The following CD200R1L variants were observed in gnomAD, a reference collection of about 807,000 sequenced individuals.
CD200R1L encodes the protein cell surface glycoprotein CD200 receptor 2.
A neutral mutation model predicts 24.8 loss-of-function variants in CD200R1L; 14 were observed. The observed-to-expected ratio is 0.56, with a 90% CI of 0.37 to 0.88. The LOEUF (loss-of-function observed/expected upper bound fraction) is 0.88, where lower values mean the gene tolerates loss of function less well. Ranked by LOEUF, CD200R1L falls within the 40% of genes least tolerant of loss-of-function variation. The pLI is 0.00. For missense variants in CD200R1L, 299 were observed against 297.8 expected (o/e 1.00, Z -0.03); for synonymous variants, 111 against 109.2 (o/e 1.02, Z -0.11).
chr3:112,845,574 G>C, intron 2 of CD200R1L, 105 bp downstream of exon 2: 1 of 926,336 alleles, frequency 1.1e-6, no homozygotes, highest in East Asian at 2.4e-5. Flanking sequence ...ACTGCTGCTA[G>C]GACAAGTCAA....
At chr3:112,834,021 G>A (rs1363358539) in intron 3 of CD200R1L, among the ~76,000 whole-genome samples, 1 of 152,182 alleles carries the variant, frequency 6.6e-6, no homozygotes, top group Non-Finnish European at 1.5e-5. Flanking sequence ...AGAAGGTGTG[G>A]GGTAGAGGCA....
intron 2 of CD200R1L, among the ~76,000 whole-genome samples, chr3:112,840,922 T>C (rs1939065760): frequency 6.6e-6 from 1 of 152,224 alleles, no homozygotes; most frequent in Non-Finnish European, 1.5e-5. Context: ...TTAAAAGTAA[T>C]TGTGGTTGTT....
At chr3:112,837,309 C>T (rs1938972632) in intron 3 of CD200R1L, among the ~76,000 whole-genome samples, 1 of 152,120 alleles carries the variant, frequency 6.6e-6, no homozygotes, top group South Asian at 2.1e-4. Flanking sequence ...TTCTTGGAAT[C>T]ATTTATAAAT....
intron 2 of CD200R1L, among the ~76,000 whole-genome samples, chr3:112,838,640 T>A (rs1349795201): frequency 6.6e-6 from 1 of 152,230 alleles, no homozygotes; most frequent in African/African-American, 2.4e-5. Flanking sequence ...TTACGGCTCA[T>A]TTAATGGTCT....
intron 2 of CD200R1L, among the ~76,000 whole-genome samples, chr3:112,840,423 C>G (rs78641197): frequency 0.015 from 2,270 of 152,292 alleles, 19 homozygotes; most frequent in South Asian, 0.024. Context: ...ATGCTACACA[C>G]TTTTAAACAA....
intron 2 of CD200R1L, among the ~76,000 whole-genome samples, chr3:112,839,270 A>G (rs897489427): frequency 3.3e-5 from 5 of 152,252 alleles, no homozygotes; most frequent in Non-Finnish European, 7.3e-5. Flanking sequence ...ACTAATGACT[A>G]TATTTCTAGT....
chr3:112,843,223 A>C (rs1419154868), intron 2 of CD200R1L, among the ~76,000 whole-genome samples: 1 of 152,216 alleles, frequency 6.6e-6, no homozygotes, highest in Non-Finnish European at 1.5e-5. Flanking sequence ...AGACAACTGC[A>C]AGATACTACA....
intron 3 of CD200R1L, among the ~76,000 whole-genome samples, chr3:112,833,602 T>C (rs1404568736): frequency 6.6e-6 from 1 of 152,178 alleles, no homozygotes; most frequent in African/African-American, 2.4e-5. Context: ...CACTCCATTG[T>C]AAAACAGAAA....
At position 112,845,860 on chromosome 3, in the gene CD200R1L, T is replaced by C; in HGVS notation, c.-268A>G. The C allele has an allele frequency of 1.5e-6, 1 of 656,216 alleles. No homozygotes were observed. Among genetic ancestry groups the C allele is most frequent in the South Asian group, 1.9e-5 (1 of 51,322 alleles). 40.6% of individuals were successfully genotyped at this position (656,216 alleles called of 1,614,324 possible). A position where few individuals can be genotyped will look rare whatever the true frequency, so the allele number is the denominator to read the frequency against. On this transcript the variant is annotated 5_prime_UTR_variant, in exon 2 of 8. Transcript: ENST00000488794. The stretch of plus-strand genomic sequence containing the variant: ...TCTTCAACAGGATTGCAAAACATAT[T>C]TCTTCATTATCTTGCTTATCTTTAA...
intron 3 of CD200R1L, among the ~76,000 whole-genome samples, chr3:112,837,580 A>G (rs1938978623): frequency 6.6e-6 from 1 of 152,126 alleles, no homozygotes; most frequent in South Asian, 2.1e-4. Context: ...ATCCTTCTAG[A>G]GCCTGTGCAA....
At chr3:112,819,936 C>A in intron 6 of CD200R1L, 41 bp from the exon 7 acceptor site, 1 of 1,522,788 alleles carries the variant, frequency 6.6e-7, no homozygotes, top group Non-Finnish European at 8.8e-7. Flanking sequence ...TTCAAGCATT[C>A]TTCTAGTTAC....
rs1328165366 is a variant in CD200R1L at position 112,827,387 on chromosome 3, C to A, written c.347G>T (p.Gly116Val). The A allele has an allele frequency of 6.2e-7, 1 of 1,613,694 alleles. No homozygotes were observed. Among genetic ancestry groups the A allele is most frequent in the African/African-American group, 1.3e-5 (1 of 75,020 alleles). The change falls in exon 5 of 8, where the codon GGA (glycine) becomes GTA (valine). Residue 116 changes from glycine to valine, a missense_variant. Transcript: ENST00000488794. Reference sequence around the variant, plus strand: ...CTTACCTAACACTTGGAGGTGATATCCACGATGGAAATTCCCATCAGGTGT... The same window carrying A: ...CTTACCTAACACTTGGAGGTGATATACACGATGGAAATTCCCATCAGGTGT... ...VVTPDGNFHR[G>V]YHLQVLVTPE...
intron 2 of CD200R1L, among the ~76,000 whole-genome samples, 166 bp downstream of exon 2, chr3:112,845,513 T>C (rs549804074): frequency 1.3e-5 from 2 of 152,184 alleles, no homozygotes; most frequent in Non-Finnish European, 2.9e-5. Flanking sequence ...AGTACACCAC[T>C]GGGATAAGGC....
chr3:112,825,036 G>C (rs1309581293), intron 6 of CD200R1L, among the ~76,000 whole-genome samples: 1 of 152,116 alleles, frequency 6.6e-6, no homozygotes, highest in Non-Finnish European at 1.5e-5. Flanking sequence ...AGGAGATCGA[G>C]ACCATCCTGG....
chr3:112,829,247 A>G (rs1258308858), intron 4 of CD200R1L, 72 bp downstream of exon 4: 1 of 1,199,888 alleles, frequency 8.3e-7, no homozygotes, highest in Non-Finnish European at 1.2e-6. Flanking sequence ...CAGCCAGGCC[A>G]TCAGCTAATG....
intron 7 of CD200R1L, among the ~76,000 whole-genome samples, chr3:112,819,021 A>G (rs1938465734): frequency 1.3e-5 from 2 of 152,212 alleles, no homozygotes; most frequent in Admixed American, 1.3e-4. Flanking sequence ...ACTTACAATC[A>G]TGGCAGAAGG....
At chr3:112,820,957 G>A (rs1177845082) in intron 6 of CD200R1L, among the ~76,000 whole-genome samples, 6 of 151,342 alleles carry the variant, frequency 4.0e-5, no homozygotes, top group Non-Finnish European at 7.4e-5. Flanking sequence ...CTCGGGAGGC[G>A]GAGGCAGGAA....
chr3:112,815,868 C>T lies in CD200R1L; in HGVS notation c.*95G>A. ...AGTGGCTTCTATCCTTAACATCATC[C>T]ATGGCCCAAGTTCACTGCTGGACCA... is the stretch of plus-strand genomic sequence containing the variant. On this transcript the variant is annotated 3_prime_UTR_variant, in exon 8 of 8. Transcript: ENST00000488794. 1 of 754,626 alleles carries T rather than the reference C, an allele frequency of 1.3e-6. No homozygotes were observed. Among genetic ancestry groups the T allele is most frequent in the Non-Finnish European group, 2.4e-6 (1 of 408,214 alleles). The allele number at this position is 754,626 out of a possible 1,614,324, so 46.7% of individuals were successfully genotyped here.
At chr3:112,825,591 T>C (rs56322623) in intron 6 of CD200R1L, among the ~76,000 whole-genome samples, 6,384 of 152,050 alleles carry the variant, frequency 0.042, 174 homozygotes, top group Non-Finnish European at 0.06. Context: ...TGTGAGGTGA[T>C]ATAGAAGAGA....
Sources: gnomAD v4.1 joint callset for allele counts (sites outside exome capture counted in the v4.1 genomes callset) on GRCh38, gnomAD v4.1.1 for gene constraint, MANE v1.5 for transcripts, NCBI Gene and HGNC (gene_info 2026-07-23, HGNC 2026-07-21) for gene names.